The following TUSC3 variants were observed in gnomAD, a reference collection of about 807,000 sequenced individuals.
The protein encoded by TUSC3 is dolichyl-diphosphooligosaccharide--protein glycosyltransferase subunit TUSC3.
A neutral mutation model predicts 44.8 loss-of-function variants in TUSC3; 45 were observed. That is an observed-to-expected ratio of 1.00 (90% CI 0.79 to 1.29). The LOEUF (loss-of-function observed/expected upper bound fraction) is 1.29, where lower values mean the gene tolerates loss of function less well. Among genes scored for constraint, TUSC3 ranks in the 50% most tolerant of loss-of-function variants. The probability of loss-of-function intolerance (pLI) is 0.00; values close to 1 mark genes in which losing one functional copy is unlikely to be tolerated. For missense variants in TUSC3, 519 were observed against 437.9 expected, an observed-to-expected ratio of 1.19 and a Z score of -1.65; for synonymous variants, 212 against 152.9, an observed-to-expected ratio of 1.39 and a Z score of -2.85.
chr8:15,655,618 C>A lies in TUSC3; in HGVS notation c.427-3889C>A, dbSNP rs114246718. ...TCCTGCTCCAAAACTTTTAAATAAA[C>A]GTCACTCCTGCTCTAAAACTTGCCT... On this transcript the variant is annotated intron_variant, in intron 3 of 10. Transcript: ENST00000503731. Among the ~76,000 whole-genome samples, 699 of 152,278 alleles carry A rather than the reference C, an allele frequency of 4.6e-3. 5 individuals carry two copies. Among genetic ancestry groups the A allele is most frequent in the African/African-American group, 0.016 (673 of 41,560 alleles).
At chr8:15,725,873 T>A (rs1311668750) in intron 6 of TUSC3, among the ~76,000 whole-genome samples, 1 of 152,176 alleles carries the variant, frequency 6.6e-6, no homozygotes, top group East Asian at 1.9e-4. Context: ...CAGTTTCCAA[T>A]TTGCAGATTA....
chr8:15,697,941 T>A (rs1809241047), intron 6 of TUSC3, among the ~76,000 whole-genome samples: 2 of 152,192 alleles, frequency 1.3e-5, no homozygotes, highest in African/African-American at 2.4e-5. Flanking sequence ...TATATCAGAG[T>A]TTAATATCTT....
chr8:15,649,258 G>C (rs759395357), intron 2 of TUSC3, among the ~76,000 whole-genome samples: 2 of 152,036 alleles, frequency 1.3e-5, no homozygotes, highest in Non-Finnish European at 2.9e-5. Context: ...GGACTGGTTC[G>C]GGAGGGTGCA....
intron 5 of TUSC3, among the ~76,000 whole-genome samples, chr8:15,670,238 G>A (rs1807883526): frequency 6.6e-6 from 1 of 151,866 alleles, no homozygotes; most frequent in Admixed American, 6.6e-5. Flanking sequence ...GATTTTAGCA[G>A]AGGGTAATGA....
chr8:15,536,925 T>C (rs1801532215), upstream of TUSC3, among the ~76,000 whole-genome samples: 3 of 152,044 alleles, frequency 2.0e-5, no homozygotes, highest in African/African-American at 4.8e-5. Context: ...CTTTTCATTC[T>C]GACTCTGGCA....
In TUSC3 at chr8:15,714,232, C is replaced by T. The variant is rs540398957; in HGVS notation, c.799-16434C>T. On this transcript the variant is annotated intron_variant, in intron 6 of 10. Transcript: ENST00000503731. ...ATTTTGTAACACTTTACCTCAAGCA[C>T]ACTTATAAAGGATTTGAATGATTAA... Among the ~76,000 whole-genome samples the T allele has an allele frequency of 1.5e-3, 223 of 152,210 alleles. 2 individuals carry two copies. The highest frequency in any genetic ancestry group is 5.2e-3 in the African/African-American group (218 of 41,560).
At chr8:15,778,981 C>A in the TUSC3 span, among the ~76,000 whole-genome samples, 1 of 152,120 alleles carries the variant, frequency 6.6e-6, no homozygotes, top group Non-Finnish European at 1.5e-5. Context: ...ATCACTTCTA[C>A]ACAAGCTTTA....
At chr8:15,449,571 C>T in intron 1 of TUSC3, among the ~76,000 whole-genome samples, 1 of 152,060 alleles carries the variant, frequency 6.6e-6, no homozygotes, top group East Asian at 1.9e-4. Flanking sequence ...GCTGGTTTCT[C>T]TTTAGCCCTT....
chr8:15,581,970 G>T (rs1407515953), intron 1 of TUSC3, among the ~76,000 whole-genome samples: 1 of 151,170 alleles, frequency 6.6e-6, no homozygotes, highest in East Asian at 1.9e-4. Flanking sequence ...GATTCCGTGG[G>T]CGTAGGACCC....
the TUSC3 span, among the ~76,000 whole-genome samples, chr8:15,850,098 G>A: frequency 7.3e-6 from 1 of 136,062 alleles, no homozygotes; most frequent in African/African-American, 2.9e-5. Flanking sequence ...CAAACTCTTA[G>A]ATCTTGTTTA....
At chr8:15,586,760 C>T (rs1803620494) in intron 1 of TUSC3, among the ~76,000 whole-genome samples, 1 of 152,130 alleles carries the variant, frequency 6.6e-6, no homozygotes, top group Non-Finnish European at 1.5e-5. Flanking sequence ...TTGATACCGA[C>T]AAGCATTTGG....
Position 15,522,866 on chromosome 8 carries a change from G to A in TUSC3, n.189+39383G>A, listed in dbSNP as rs76692259. Reference sequence around the variant, plus strand: ...AATTCTCAAGCTTGTCTACACAAATGTGCTATGTCAGTCCTTAAGTGCAGA... The same window carrying A: ...AATTCTCAAGCTTGTCTACACAAATATGCTATGTCAGTCCTTAAGTGCAGA... On this transcript the variant is annotated intron_variant and non_coding_transcript_variant, in intron 2 of 5. Transcript: ENST00000503191. 9.1e-3 allele frequency among the ~76,000 whole-genome samples: 1,384 copies of A among 152,266 alleles called. 22 individuals carry two copies. Among genetic ancestry groups the A allele is most frequent in the African/African-American group, 0.031 (1,286 of 41,550 alleles).
At chr8:15,772,712 GTAAT>G in the TUSC3 span, among the ~76,000 whole-genome samples, 3 of 152,146 alleles carry the variant, frequency 2.0e-5, no homozygotes, top group Admixed American at 6.5e-5. Flanking sequence ...TATCTCCTAT[GTAAT>G]TAATTATCTC....
the TUSC3 span, among the ~76,000 whole-genome samples, chr8:15,809,493 C>G: frequency 2.0e-5 from 3 of 150,126 alleles, no homozygotes; most frequent in Non-Finnish European, 4.4e-5. Flanking sequence ...TTCCAAGACC[C>G]CCCCTGTAGA....
intron 1 of TUSC3, among the ~76,000 whole-genome samples, chr8:15,589,790 G>C (rs1031954995): frequency 1.3e-5 from 2 of 152,068 alleles, no homozygotes; most frequent in South Asian, 4.1e-4. Flanking sequence ...AATATAGTCA[G>C]TGTCCTACCA....
At chr8:15,463,915 A>C (rs927734961) in intron 1 of TUSC3, among the ~76,000 whole-genome samples, 1 of 152,156 alleles carries the variant, frequency 6.6e-6, no homozygotes, top group Non-Finnish European at 1.5e-5. Context: ...TTACTTGCCT[A>C]TTTGATCATT....
At chr8:15,851,000 T>C in the TUSC3 span, among the ~76,000 whole-genome samples, 1 of 152,316 alleles carries the variant, frequency 6.6e-6, no homozygotes, top group African/African-American at 2.4e-5. Context: ...ACTCTAGGTC[T>C]TCATTTTAGT....
At chr8:15,591,806 G>A (rs1407264125) in intron 1 of TUSC3, among the ~76,000 whole-genome samples, 4 of 152,148 alleles carry the variant, frequency 2.6e-5, no homozygotes, top group Non-Finnish European at 1.5e-5. Context: ...GCAGAGGCCA[G>A]AACATTGTAG....
chr8:15,640,543 A>C (rs1806317838), intron 2 of TUSC3, among the ~76,000 whole-genome samples: 1 of 152,150 alleles, frequency 6.6e-6, no homozygotes, highest in Non-Finnish European at 1.5e-5. Context: ...TTTAATATTC[A>C]TTTTAGTTTT....
Sources: allele counts gnomAD v4.1 joint callset (sites outside exome capture counted in the v4.1 genomes callset), GRCh38; gene constraint gnomAD v4.1.1; transcripts MANE v1.5; gene names NCBI Gene and HGNC (gene_info 2026-07-23, HGNC 2026-07-21).